Variants in CDK14 observed in about 807,000 individuals in gnomAD.
The protein encoded by CDK14 is cyclin-dependent kinase 14.
CDK14 carries 34 observed loss-of-function variants against 60.7 expected under a neutral mutation model. That is an observed-to-expected ratio of 0.56 (90% CI 0.43 to 0.75). The LOEUF (loss-of-function observed/expected upper bound fraction) is 0.75, where lower values mean the gene tolerates loss of function less well. Among genes scored for constraint, CDK14 ranks in the 30% least tolerant of loss-of-function variants. CDK14 has a pLI of 0.00. For missense variants in CDK14, 482 were observed against 564.1 expected (o/e 0.85, Z 1.47); for synonymous variants, 197 against 203.7 (o/e 0.97, Z 0.28).
At chr7:90,666,033 C>G (rs1800973221) in intron 2 of CDK14, among the ~76,000 whole-genome samples, 1 of 152,194 alleles carries the variant, frequency 6.6e-6, no homozygotes, top group Non-Finnish European at 1.5e-5. Flanking sequence ...CAGCAGAGTT[C>G]CCTGCCTAGT....
chr7:90,776,341 A>G (rs936627608), intron 4 of CDK14, among the ~76,000 whole-genome samples: 1 of 152,190 alleles, frequency 6.6e-6, no homozygotes, highest in Non-Finnish European at 1.5e-5. Flanking sequence ...ACCTGGAACA[A>G]TTCCTTGCAT....
chr7:91,164,573 G>C lies in CDK14; in HGVS notation c.*29-42592G>C, dbSNP rs2115762096. 2.0e-5 allele frequency among the ~76,000 whole-genome samples: 3 copies of C among 152,270 alleles called. 1 individual carries two copies. In the South Asian group the frequency reaches 6.2e-4, roughly 32 times the overall value. ...TCCTCCAGGTCTCATCAAGCTTTGT[G>C]ATTTCCTAGACAAATGCAGGAAGAT... On this transcript the variant is annotated intron_variant, in intron 14 of 14. Transcript: ENST00000380050.
intron 6 of CDK14, among the ~76,000 whole-genome samples, chr7:90,868,643 C>T (rs1791268320): frequency 6.6e-6 from 1 of 151,910 alleles, no homozygotes; most frequent in Admixed American, 6.6e-5. Context: ...AAAACTGTAT[C>T]AATAGAAATC....
chr7:91,021,521 G>A (rs998309088), intron 10 of CDK14, among the ~76,000 whole-genome samples: 6 of 152,178 alleles, frequency 3.9e-5, no homozygotes, highest in African/African-American at 1.2e-4. Context: ...TTATGGTTTT[G>A]TTGCCACACA....
chr7:91,043,815 C>T (rs970261094), intron 10 of CDK14, among the ~76,000 whole-genome samples: 3 of 152,060 alleles, frequency 2.0e-5, no homozygotes, highest in Admixed American at 6.6e-5. Context: ...ATGTTTCAGC[C>T]AGGAACATAA....
chr7:91,022,355 C>T lies in CDK14; in HGVS notation c.1042-23542C>T, dbSNP rs570109911. 7.9e-5 allele frequency among the ~76,000 whole-genome samples: 12 copies of T among 152,236 alleles called. No homozygotes were observed. In the East Asian group the frequency reaches 1.7e-3, roughly 22 times the overall value. On this transcript the variant is annotated intron_variant, in intron 10 of 14. Coordinates refer to ENST00000380050, the MANE Select transcript of CDK14 (RefSeq NM_001287135.2). ...ATTGACCTTTTGAGCTGGTCCTGTG[C>T]GTTGTAGGATATTTAACAGCAGCCC...
At position 90,957,717 on chromosome 7, in the gene CDK14, G is replaced by A. The variant is rs186641201; in HGVS notation, c.947+1900G>A. Among the ~76,000 whole-genome samples, 173 of 152,162 alleles carry A rather than the reference G, an allele frequency of 1.1e-3. 1 individual carries two copies. Among genetic ancestry groups the A allele is most frequent in the African/African-American group, 4.1e-3 (169 of 41,500 alleles). On this transcript the variant is annotated intron_variant, in intron 9 of 14. Transcript: ENST00000380050. ...GAAATAAAAGAGGATACAAACAAAC[G>A]GAAGAACATTCCATGCTCATGGGTA...
chr7:91,205,012 C>A (rs1213395330), intron 14 of CDK14, among the ~76,000 whole-genome samples: 1 of 151,418 alleles, frequency 6.6e-6, no homozygotes, highest in East Asian at 1.9e-4. Flanking sequence ...TCAGTTCATA[C>A]CCACTAGGAT....
At chr7:90,861,433 G>A (rs1272508042) in intron 5 of CDK14, among the ~76,000 whole-genome samples, 1 of 152,168 alleles carries the variant, frequency 6.6e-6, no homozygotes, top group Non-Finnish European at 1.5e-5. Context: ...GGCTTAAGAA[G>A]CTGTGAAAAA....
chr7:91,135,778 A>G (rs1208980000), intron 14 of CDK14, among the ~76,000 whole-genome samples: 1 of 152,262 alleles, frequency 6.6e-6, no homozygotes, highest in Non-Finnish European at 1.5e-5. Context: ...CCCCTTTGCC[A>G]GCACAAAAGA....
intron 2 of CDK14, among the ~76,000 whole-genome samples, chr7:90,606,244 T>C (rs1236136274): frequency 6.6e-6 from 1 of 152,212 alleles, no homozygotes; most frequent in Non-Finnish European, 1.5e-5. Context: ...TCTTGGGAGA[T>C]AGTGGTAATG....
intron 8 of CDK14, among the ~76,000 whole-genome samples, chr7:90,934,960 T>C (rs948828842): frequency 6.6e-6 from 1 of 152,256 alleles, no homozygotes; most frequent in Non-Finnish European, 1.5e-5. Context: ...TTTGTAATGC[T>C]ATCACAGGAT....
At chr7:90,600,303 A>G (rs1427103847) in intron 1 of CDK14, among the ~76,000 whole-genome samples, 1 of 152,202 alleles carries the variant, frequency 6.6e-6, no homozygotes, top group Non-Finnish European at 1.5e-5. Flanking sequence ...TTTAAAGTTC[A>G]TTTCCTCTTT....
chr7:91,112,767 C>T, intron 13 of CDK14, 86 bp downstream of exon 13: 1 of 1,397,710 alleles, frequency 7.2e-7, no homozygotes, highest in Non-Finnish European at 1.0e-6. Context: ...TGCAGAGATT[C>T]ACATATTTGT....
intron 4 of CDK14, among the ~76,000 whole-genome samples, chr7:90,762,275 T>G (rs1364314847): frequency 6.6e-6 from 1 of 152,186 alleles, no homozygotes. Flanking sequence ...TTTTATTTTT[T>G]GAGGTATGGT....
chr7:90,761,177 T>G (rs982689839), intron 4 of CDK14, among the ~76,000 whole-genome samples: 1 of 152,270 alleles, frequency 6.6e-6, no homozygotes, highest in East Asian at 1.9e-4. Flanking sequence ...AGACAGTGTT[T>G]AAACGTATTG....
intron 11 of CDK14, among the ~76,000 whole-genome samples, chr7:91,071,464 G>A (rs1382299557): frequency 6.6e-6 from 1 of 152,184 alleles, no homozygotes; most frequent in Non-Finnish European, 1.5e-5. Context: ...CCAGCCAAGG[G>A]AGGCAGTGAG....
rs576964686 is a variant in CDK14, at chr7:90,985,323, G to A, written c.1041+1082G>A. Among the ~76,000 whole-genome samples, 3 of 152,234 alleles carry A rather than the reference G, an allele frequency of 2.0e-5. No homozygotes were observed. In the East Asian group the frequency reaches 5.8e-4, roughly 29 times the overall value. On this transcript the variant is annotated intron_variant, in intron 10 of 14. Coordinates refer to ENST00000380050, the MANE Select transcript of CDK14 (RefSeq NM_001287135.2). Reference sequence around the variant, plus strand: ...GTTCTCTGAGCTTTAGTTTTCTCATGGGTGAAATGAGGGATAATAACAGCA... The same window carrying A: ...GTTCTCTGAGCTTTAGTTTTCTCATAGGTGAAATGAGGGATAATAACAGCA...
chr7:91,133,034 A>G (rs933543433), intron 14 of CDK14, among the ~76,000 whole-genome samples: 4 of 152,158 alleles, frequency 2.6e-5, no homozygotes, highest in Admixed American at 1.3e-4. Context: ...TGAATATATA[A>G]TATTTCATAT....
Sources: allele counts gnomAD v4.1 joint callset (sites outside exome capture counted in the v4.1 genomes callset), GRCh38; gene constraint gnomAD v4.1.1; transcripts MANE v1.5; gene names NCBI Gene and HGNC (gene_info 2026-07-23, HGNC 2026-07-21).